The following PTPRG variants were observed in gnomAD, a reference collection of about 807,000 sequenced individuals.
PTPRG encodes the protein receptor-type tyrosine-protein phosphatase gamma.
PTPRG carries 102 observed loss-of-function variants against 165.3 expected under a neutral mutation model. That is an observed-to-expected ratio of 0.62 (90% CI 0.53 to 0.73). The LOEUF is 0.73. Ranked by LOEUF, PTPRG falls within the 30% of genes least tolerant of loss-of-function variation. The pLI, the probability that PTPRG is intolerant of heterozygous loss-of-function variation, is 0.00. For missense variants in PTPRG, 1,866 were observed against 1,861.4 expected, an observed-to-expected ratio of 1.00 and a Z score of -0.05; for synonymous variants, 675 against 669.5, an observed-to-expected ratio of 1.01 and a Z score of -0.13.
At chr3:62,138,212 A>T (rs1703788682) in intron 6 of PTPRG, among the ~76,000 whole-genome samples, 1 of 152,214 alleles carries the variant, frequency 6.6e-6, no homozygotes, top group Admixed American at 6.5e-5. Context: ...TCATTTCCAT[A>T]GTCTAAAATA....
In PTPRG at chr3:62,271,651, A is replaced by T; in HGVS notation, c.3182+96A>T. On this transcript the variant is annotated intron_variant, in intron 21 of 29. Coordinates refer to ENST00000474889, the MANE Select transcript of PTPRG (RefSeq NM_002841.4). The surrounding 1 kb of genome is among the most constrained non-coding windows in gnomAD (Gnocchi z 4.1). ...ATGATTGCTACTGCTTTCACTTAGAAGCTGAATCTTCCACTGGAAACTGGG... is the reference window on the plus strand; with the variant it reads ...ATGATTGCTACTGCTTTCACTTAGATGCTGAATCTTCCACTGGAAACTGGG... The T allele has an allele frequency of 8.6e-7, 1 of 1,162,312 alleles. No individual in the cohort carries two copies. The highest frequency in any genetic ancestry group is 1.2e-6 in the Non-Finnish European group (1 of 835,786). The allele number at this position is 1,162,312 out of a possible 1,614,324, so 72.0% of individuals were successfully genotyped here.
At chr3:61,840,980 C>G (rs1157875420) in intron 2 of PTPRG, among the ~76,000 whole-genome samples, 1 of 151,964 alleles carries the variant, frequency 6.6e-6, no homozygotes, top group Non-Finnish European at 1.5e-5. Context: ...TGGGGTTTCA[C>G]CCTGTTGGCC....
At chr3:62,029,411 G>A (rs1699689872) in intron 4 of PTPRG, among the ~76,000 whole-genome samples, 1 of 152,148 alleles carries the variant, frequency 6.6e-6, no homozygotes, top group Non-Finnish European at 1.5e-5. Flanking sequence ...ATCAAAAGGT[G>A]ACCAGAGGTA....
At position 62,218,967 on chromosome 3, in the gene PTPRG, G is replaced by A. The variant is rs1477284894; in HGVS notation, c.2272G>A (p.Val758Met). ...CGTGTGCCTCATCCTTCTCATTGCT[G>A]TGCTCGTTTACTGGAGGTAAGCCAG... ...TFVCLILLIAVLVYWRGCNKI... is the reference protein window; with the variant it reads ...TFVCLILLIAMLVYWRGCNKI... Residue 758 changes from valine (V) to methionine (M), a missense_variant, in exon 13 of 30, where the codon GTG (valine) becomes ATG (methionine). Around this residue, in one of 3 missense-constraint regions of PTPRG, gnomAD observed 1,452 missense variants for 1,463.0 expected, o/e 0.99. Transcript: ENST00000474889. 6 of 1,613,798 alleles carry A rather than the reference G, an allele frequency of 3.7e-6. No homozygotes were observed. The highest frequency in any genetic ancestry group is 5.1e-6 in the Non-Finnish European group (6 of 1,179,890).
chr3:62,034,543 T>G (rs1699881373), intron 4 of PTPRG, among the ~76,000 whole-genome samples: 1 of 152,212 alleles, frequency 6.6e-6, no homozygotes, highest in Admixed American at 6.5e-5. Context: ...AGAATGTCTT[T>G]CAAACTCTTC....
chr3:61,710,522 C>T (rs1418963540), intron 1 of PTPRG, among the ~76,000 whole-genome samples: 1 of 152,144 alleles, frequency 6.6e-6, no homozygotes, highest in Non-Finnish European at 1.5e-5. Flanking sequence ...TTGTCCAACC[C>T]GTGGCCCAGG....
intron 4 of PTPRG, among the ~76,000 whole-genome samples, chr3:62,015,812 G>A (rs944591443): frequency 2.6e-5 from 4 of 152,130 alleles, no homozygotes; most frequent in African/African-American, 9.7e-5. Context: ...TTGTTTTGAA[G>A]GCAGAAGATG....
intron 2 of PTPRG, among the ~76,000 whole-genome samples, 156 bp from the exon 3 acceptor site, chr3:61,989,469 A>G (rs1179171989): frequency 6.6e-6 from 1 of 152,228 alleles, no homozygotes; most frequent in Non-Finnish European, 1.5e-5. Context: ...TCTTCTTGTC[A>G]CATCAGGCCA....
intron 14 of PTPRG, among the ~76,000 whole-genome samples, chr3:62,232,752 C>T (rs1700934645): frequency 6.6e-6 from 1 of 152,212 alleles, no homozygotes. Flanking sequence ...CTCTGCTGCT[C>T]AGTGAAGGAA....
chr3:61,604,014 G>A (rs571597242), intron 1 of PTPRG, among the ~76,000 whole-genome samples: 32 of 152,248 alleles, frequency 2.1e-4, no homozygotes, highest in Admixed American at 1.6e-3. Flanking sequence ...GGCTGGGCAC[G>A]GTTTTATTGA....
intron 2 of PTPRG, among the ~76,000 whole-genome samples, chr3:61,981,497 G>A (rs1231966374): frequency 6.6e-6 from 1 of 152,194 alleles, no homozygotes; most frequent in Non-Finnish European, 1.5e-5. Flanking sequence ...TTAGATATTA[G>A]TATTTGGATG....
intron 2 of PTPRG, among the ~76,000 whole-genome samples, chr3:61,970,177 A>T (rs2040351568): frequency 6.6e-6 from 1 of 152,158 alleles, no homozygotes; most frequent in South Asian, 2.1e-4. Context: ...AGTTAATGTG[A>T]TTTACCCAGA....
chr3:61,749,871 T>G (rs1277537044), intron 2 of PTPRG: 1 of 152,244 alleles, frequency 6.6e-6, no homozygotes, highest in African/African-American at 2.4e-5. Flanking sequence ...TGTTGTTGCA[T>G]ATAGAACTGA....
intron 2 of PTPRG, among the ~76,000 whole-genome samples, chr3:61,876,135 G>T (rs1176094440): frequency 3.9e-5 from 6 of 152,182 alleles, no homozygotes; most frequent in African/African-American, 1.4e-4. Flanking sequence ...GATTTCTGTA[G>T]TATTCTTGAC....
intron 5 of PTPRG, among the ~76,000 whole-genome samples, chr3:62,086,805 G>T (rs1228319066): frequency 1.3e-5 from 2 of 152,116 alleles, no homozygotes; most frequent in African/African-American, 4.8e-5. Context: ...ATGTTCAATT[G>T]CAGTTTTGGA....
intron 1 of PTPRG, among the ~76,000 whole-genome samples, chr3:61,636,963 T>C (rs1241531200): frequency 6.6e-6 from 1 of 152,182 alleles, no homozygotes; most frequent in East Asian, 1.9e-4. Flanking sequence ...CAACCTTGGG[T>C]ACTATGCCAA....
At chr3:62,249,732 T>C (rs1280947689) in intron 15 of PTPRG, among the ~76,000 whole-genome samples, 1 of 152,206 alleles carries the variant, frequency 6.6e-6, no homozygotes, top group Non-Finnish European at 1.5e-5. Flanking sequence ...CTACCTGGCA[T>C]CATCAAGGTG....
chr3:62,231,226 G>A lies in PTPRG; in HGVS notation c.2290G>A (p.Gly764Arg), dbSNP rs1306941504. Residue 764 changes from glycine to arginine, a missense_variant and splice_region_variant, in exon 14 of 30, where the codon GGG (glycine) becomes AGG (arginine). By Grantham distance (125) the Gly-to-Arg change is moderately radical. Coordinates refer to ENST00000474889, the MANE Select transcript of PTPRG (RefSeq NM_002841.4). ...CTCTTTTGTTTTTTGTCCATTTAGAGGGTGTAACAAAATAAAGTCCAAGGG... is the reference window on the plus strand; with the variant it reads ...CTCTTTTGTTTTTTGTCCATTTAGAAGGTGTAACAAAATAAAGTCCAAGGG... ...LLIAVLVYWR[G>R]CNKIKSKGFP... is the part of the protein sequence containing the mutation. The A allele has an allele frequency of 3.3e-5, 51 of 1,567,782 alleles. No homozygotes were observed. The highest frequency in any genetic ancestry group is 4.3e-5 in the Non-Finnish European group (50 of 1,157,350).
chr3:61,803,672 T>C (rs1181664559), intron 2 of PTPRG, among the ~76,000 whole-genome samples: 1 of 152,174 alleles, frequency 6.6e-6, no homozygotes, highest in Non-Finnish European at 1.5e-5. Context: ...TAAAACAATG[T>C]TGAAATGTGA....
Sources: allele counts gnomAD v4.1 joint callset (sites outside exome capture counted in the v4.1 genomes callset), GRCh38; gene constraint gnomAD v4.1.1; regional missense constraint gnomAD v4.1.1; non-coding constraint Gnocchi (gnomAD v3.1); transcripts MANE v1.5; gene names NCBI Gene and HGNC (gene_info 2026-07-23, HGNC 2026-07-21).